The following PRKCH variants were observed in gnomAD, a reference collection of about 807,000 sequenced individuals.
PRKCH encodes the protein protein kinase C eta type.
In PRKCH, 28 loss-of-function variants were observed where a neutral mutation model predicts 82.5. That is an observed-to-expected ratio of 0.34 (90% confidence interval 0.25 to 0.47). The LOEUF (loss-of-function observed/expected upper bound fraction) is 0.47. Ranked by LOEUF, PRKCH falls within the 20% of genes least tolerant of loss-of-function variation. The pLI is 1.00. For missense variants in PRKCH, 705 were observed against 881.8 expected (o/e 0.80, Z 2.54); for synonymous variants, 322 against 327.4 (o/e 0.98, Z 0.18).
At chr14:61,509,881 C>G (rs939527132) in intron 10 of PRKCH, among the ~76,000 whole-genome samples, 3 of 152,086 alleles carry the variant, frequency 2.0e-5, no homozygotes, top group African/African-American at 7.3e-5. Context: ...TGTCACTGCC[C>G]TCCATCCTGG....
chr14:61,421,814 G>C (rs1882849509), intron 2 of PRKCH, among the ~76,000 whole-genome samples: 1 of 152,146 alleles, frequency 6.6e-6, no homozygotes, highest in Non-Finnish European at 1.5e-5. Flanking sequence ...CTTTGGTCTT[G>C]GTGCTAGGGG....
At chr14:61,403,472 C>T (rs1881773065) in intron 2 of PRKCH, among the ~76,000 whole-genome samples, 1 of 152,294 alleles carries the variant, frequency 6.6e-6, no homozygotes, top group South Asian at 2.1e-4. Context: ...ATTATTTCTG[C>T]TGTGCAGTGT....
chr14:61,527,997 C>CT (rs1221255871), intron 10 of PRKCH: 3 of 152,208 alleles, frequency 2.0e-5, no homozygotes, highest in Non-Finnish European at 2.9e-5. Flanking sequence ...ATTGTTCTCT[C>CT]TTATGTTTCT....
chr14:61,358,648 C>A (rs2046183089), intron 1 of PRKCH, among the ~76,000 whole-genome samples: 1 of 152,150 alleles, frequency 6.6e-6, no homozygotes, highest in Non-Finnish European at 1.5e-5. Flanking sequence ...CTGGTTGAAG[C>A]CCTCTTGTGA....
intron 1 of PRKCH, among the ~76,000 whole-genome samples, chr14:61,216,614 T>G (rs910594761): frequency 1.3e-5 from 2 of 152,308 alleles, no homozygotes; most frequent in Non-Finnish European, 2.9e-5. Context: ...ACCTCTACTT[T>G]TCCAAGTTTA....
intron 1 of PRKCH, among the ~76,000 whole-genome samples, chr14:61,231,668 G>C (rs114466028): frequency 6.6e-6 from 1 of 152,046 alleles, no homozygotes; most frequent in Non-Finnish European, 1.5e-5. Flanking sequence ...CACCGTGGCC[G>C]GCTGAATCTT....
intron 10 of PRKCH, among the ~76,000 whole-genome samples, chr14:61,517,175 A>T (rs866744455): frequency 1.3e-5 from 2 of 152,282 alleles, no homozygotes; most frequent in Middle Eastern, 3.4e-3. Context: ...CAGCCTGCAC[A>T]TCCCTCCTGA....
At chr14:61,304,555 T>C (rs1202248644) in intron 1 of PRKCH, 2 of 152,096 alleles carry the variant, frequency 1.3e-5, no homozygotes, top group Non-Finnish European at 2.9e-5. Flanking sequence ...CCAGGTGTGG[T>C]GGCTCACACT....
chr14:61,365,000 T>G (rs574479929), intron 1 of PRKCH, among the ~76,000 whole-genome samples: 8 of 151,978 alleles, frequency 5.3e-5, no homozygotes, highest in African/African-American at 1.7e-4. Context: ...GTCTCCAAGG[T>G]AGAGCAGTTT....
At chr14:61,417,068 A>G (rs963382468) in intron 2 of PRKCH, among the ~76,000 whole-genome samples, 1 of 152,210 alleles carries the variant, frequency 6.6e-6, no homozygotes. Flanking sequence ...AGGGCTGTAC[A>G]TAGGAGCCCT....
intron 10 of PRKCH, among the ~76,000 whole-genome samples, chr14:61,497,404 A>G (rs1052788839): frequency 4.6e-5 from 7 of 152,198 alleles, no homozygotes; most frequent in African/African-American, 1.7e-4. Context: ...TATGTAGTAC[A>G]TGCTCAGTGA....
intron 1 of PRKCH, among the ~76,000 whole-genome samples, chr14:61,384,196 G>A (rs1460400440): frequency 6.6e-6 from 1 of 152,148 alleles, no homozygotes; most frequent in Non-Finnish European, 1.5e-5. Flanking sequence ...GCCTGGGAAC[G>A]CAGAAGAACA....
At chr14:61,483,008 GAATTCATGTGACTGCCAGT>G (rs1213119399) in intron 9 of PRKCH, among the ~76,000 whole-genome samples, 1 of 152,194 alleles carries the variant, frequency 6.6e-6, no homozygotes, top group Non-Finnish European at 1.5e-5. Flanking sequence ...AGAGCAATTG[GAATTCATGTGACTGCCAGT>G]CAGATCCACG....
rs191490026 is a variant in PRKCH at position 61,326,144 on chromosome 14, G to A, written c.363+3680G>A. Reference sequence around the variant, plus strand: ...ATCATTCATACAAAAGCTTGTCCACGAGTGTTCATAGCATCTTTATTTGTA... The same window carrying A: ...ATCATTCATACAAAAGCTTGTCCACAAGTGTTCATAGCATCTTTATTTGTA... On this transcript the variant is annotated intron_variant, in intron 1 of 13. Coordinates refer to ENST00000332981, the MANE Select transcript of PRKCH (RefSeq NM_006255.5). 6.6e-5 allele frequency among the ~76,000 whole-genome samples: 10 copies of A among 152,278 alleles called. No individual in the cohort carries two copies. The East Asian group carries it at 1.3e-3, about 21-fold the overall frequency.
chr14:61,242,203 G>A (rs1446637828), intron 1 of PRKCH, among the ~76,000 whole-genome samples: 2 of 152,084 alleles, frequency 1.3e-5, no homozygotes, highest in East Asian at 1.9e-4. Flanking sequence ...AATTTGCTCT[G>A]GGGAGCTGGA....
intron 12 of PRKCH, among the ~76,000 whole-genome samples, chr14:61,538,198 A>C (rs532385190): frequency 3.3e-4 from 50 of 152,354 alleles, no homozygotes; most frequent in African/African-American, 1.1e-3. Flanking sequence ...AAATCCAAAG[A>C]AAGTTATCAA....
At chr14:61,540,376 C>T (rs183257854) in intron 12 of PRKCH, among the ~76,000 whole-genome samples, 8 of 152,162 alleles carry the variant, frequency 5.3e-5, no homozygotes, top group African/African-American at 1.7e-4. Flanking sequence ...CCTCACCTGT[C>T]GGTCCAAGTA....
At chr14:61,263,488 G>A (rs1411369059) in intron 1 of PRKCH, among the ~76,000 whole-genome samples, 1 of 152,178 alleles carries the variant, frequency 6.6e-6, no homozygotes, top group African/African-American at 2.4e-5. Context: ...GCTCAGAGAA[G>A]TTGATTAATA....
At position 61,457,523 on chromosome 14, in the gene PRKCH, A is replaced by C. The variant is rs2230501; in HGVS notation, c.1122A>C (p.Val374=). The C allele has an allele frequency of 0.018, 29,166 of 1,614,038 alleles. 1,583 individuals are homozygous for C. In the East Asian group the frequency reaches 0.24, roughly 13 times the overall value. The part of the protein sequence containing the change: ...GSFGKVMLAR[V]KETGDLYAVK... ...TGCCATAGGTGATGCTTGCAAGAGT[A>C]AAAGAAACAGGAGACCTCTATGCTG... Residue 374 remains valine (V), a synonymous_variant, in exon 9 of 14, where the codon GTA becomes GTC. Transcript: ENST00000332981.
Sources: allele counts gnomAD v4.1 joint callset (sites outside exome capture counted in the v4.1 genomes callset), GRCh38; gene constraint gnomAD v4.1.1; transcripts MANE v1.5; gene names NCBI Gene and HGNC (gene_info 2026-07-23, HGNC 2026-07-21).